The following TMEFF2 variants were observed in gnomAD, a reference collection of about 807,000 sequenced individuals.
TMEFF2 encodes transmembrane protein with EGF like and two follistatin like domains 2.
In TMEFF2, 28 loss-of-function variants were observed where a neutral mutation model predicts 53.8. That is an observed-to-expected ratio of 0.52 (90% CI 0.39 to 0.71). The LOEUF (loss-of-function observed/expected upper bound fraction) is 0.71, where lower values mean the gene tolerates loss of function less well. TMEFF2 is among the 30% of genes least tolerant of loss of function. The pLI is 0.00. For missense variants in TMEFF2, 353 were observed against 455.2 expected (o/e 0.78, Z 2.04); for synonymous variants, 162 against 166.3 (o/e 0.97, Z 0.20).
intron 7 of TMEFF2, among the ~76,000 whole-genome samples, chr2:191,967,452 C>T (rs1029328729): frequency 1.3e-5 from 2 of 152,012 alleles, no homozygotes; most frequent in African/African-American, 2.4e-5. Flanking sequence ...ATTTTAAGGG[C>T]AATGCTTCTT....
chr2:192,016,413 A>G (rs1354946423), intron 5 of TMEFF2, among the ~76,000 whole-genome samples: 2 of 152,204 alleles, frequency 1.3e-5, no homozygotes, highest in African/African-American at 2.4e-5. Context: ...TGCAGTAACT[A>G]TCTGCATAAG....
At chr2:192,013,909 A>C (rs1011540741) in intron 5 of TMEFF2, among the ~76,000 whole-genome samples, 2 of 151,208 alleles carry the variant, frequency 1.3e-5, no homozygotes, top group Admixed American at 1.3e-4. Flanking sequence ...AAAAATGAAT[A>C]AGTAAATGAA....
chr2:191,988,727 A>G (rs1011825782), intron 7 of TMEFF2, among the ~76,000 whole-genome samples: 1 of 151,868 alleles, frequency 6.6e-6, no homozygotes, highest in Non-Finnish European at 1.5e-5. Flanking sequence ...TTTGGGAGGG[A>G]GTTTTCTAAT....
intron 3 of TMEFF2, 88 bp from the exon 4 acceptor site, chr2:192,179,782 T>C (rs1292830378): frequency 8.4e-7 from 1 of 1,188,926 alleles, no homozygotes; most frequent in Non-Finnish European, 1.2e-6. Flanking sequence ...CTTAGTTTAA[T>C]ACTGCAATAA....
intron 3 of TMEFF2, among the ~76,000 whole-genome samples, chr2:192,183,961 A>G (rs1691250310): frequency 6.6e-6 from 1 of 152,148 alleles, no homozygotes; most frequent in Admixed American, 6.6e-5. Flanking sequence ...ATTGCCTTCC[A>G]GCAGATAATG....
intron 2 of TMEFF2, 53 bp downstream of exon 2, chr2:192,191,827 C>T (rs926524950): frequency 1.9e-5 from 25 of 1,285,846 alleles, no homozygotes; most frequent in African/African-American, 4.4e-5. Flanking sequence ...AGGAAGATTC[C>T]TGCTTTGCAG....
intron 4 of TMEFF2, among the ~76,000 whole-genome samples, chr2:192,102,140 C>T (rs1385852549): frequency 6.6e-6 from 1 of 152,066 alleles, no homozygotes; most frequent in Non-Finnish European, 1.5e-5. Context: ...ATATAAAACA[C>T]TATGCACAAA....
intron 4 of TMEFF2, among the ~76,000 whole-genome samples, chr2:192,115,041 C>T (rs1415567065): frequency 6.6e-6 from 1 of 151,624 alleles, no homozygotes; most frequent in African/African-American, 2.4e-5. Context: ...CAATGCAATC[C>T]CTATCAAAAT....
intron 4 of TMEFF2, among the ~76,000 whole-genome samples, chr2:192,172,610 G>A (rs1294094481): frequency 6.6e-6 from 1 of 151,906 alleles, no homozygotes; most frequent in African/African-American, 2.4e-5. Flanking sequence ...ATCAGGAATG[G>A]GATTAGGGTT....
intron 4 of TMEFF2, among the ~76,000 whole-genome samples, chr2:192,162,893 C>T (rs1415920041): frequency 6.6e-6 from 1 of 152,174 alleles, no homozygotes; most frequent in Non-Finnish European, 1.5e-5. Flanking sequence ...AATTAAATGG[C>T]TGTCACTCTC....
chr2:192,162,991 T>C (rs1392637395), intron 4 of TMEFF2, among the ~76,000 whole-genome samples: 1 of 152,188 alleles, frequency 6.6e-6, no homozygotes, highest in Non-Finnish European at 1.5e-5. Flanking sequence ...TAATAAGATT[T>C]TCCCCAAATA....
At chr2:192,126,362 C>G (rs922652668) in intron 4 of TMEFF2, among the ~76,000 whole-genome samples, 4 of 151,978 alleles carry the variant, frequency 2.6e-5, no homozygotes, top group African/African-American at 9.7e-5. Context: ...ATACATCTGC[C>G]AAGTCTATAT....
chr2:191,989,555 G>A (rs1028060228), intron 7 of TMEFF2, among the ~76,000 whole-genome samples: 1 of 152,094 alleles, frequency 6.6e-6, no homozygotes, highest in Admixed American at 6.6e-5. Context: ...TCAACTCTAG[G>A]AAGAGAAAAC....
chr2:192,043,322 C>T (rs1186460534), intron 5 of TMEFF2, among the ~76,000 whole-genome samples: 1 of 152,122 alleles, frequency 6.6e-6, no homozygotes, highest in African/African-American at 2.4e-5. Flanking sequence ...AGTTTATGGA[C>T]ACAGAACCCT....
At chr2:192,045,011 G>C (rs1486292055) in intron 5 of TMEFF2, among the ~76,000 whole-genome samples, 1 of 152,160 alleles carries the variant, frequency 6.6e-6, no homozygotes, top group African/African-American at 2.4e-5. Context: ...ATGAAAAGAA[G>C]GGGCCTAATT....
At chr2:192,092,022 G>C (rs1451186037) in intron 4 of TMEFF2, among the ~76,000 whole-genome samples, 3,111 of 152,098 alleles carry the variant, frequency 0.02, 96 homozygotes, top group African/African-American at 0.07. Context: ...TTAAACAACT[G>C]ATGTCTAGGT....
intron 4 of TMEFF2, among the ~76,000 whole-genome samples, chr2:192,103,405 T>C (rs1689078215): frequency 6.6e-6 from 1 of 152,072 alleles, no homozygotes; most frequent in African/African-American, 2.4e-5. Flanking sequence ...GACCTTTTAG[T>C]TTTGGATTCA....
At chr2:192,112,461 A>T (rs765994559) in intron 4 of TMEFF2, among the ~76,000 whole-genome samples, 3 of 152,162 alleles carry the variant, frequency 2.0e-5, no homozygotes, top group Non-Finnish European at 2.9e-5. Flanking sequence ...TATTTACCCA[A>T]TGCCTGTACC....
intron 4 of TMEFF2, among the ~76,000 whole-genome samples, chr2:192,096,324 C>G (rs142660538): frequency 6.6e-6 from 1 of 152,192 alleles, no homozygotes; most frequent in African/African-American, 2.4e-5. Context: ...TAGTACAAAA[C>G]AACAGACATG....
Sources: allele counts gnomAD v4.1 joint callset (sites outside exome capture counted in the v4.1 genomes callset), GRCh38; gene constraint gnomAD v4.1.1; transcripts MANE v1.5; gene names NCBI Gene and HGNC (gene_info 2026-07-23, HGNC 2026-07-21).